Variants in FAM3A observed in about 807,000 individuals in gnomAD.
FAM3A encodes protein FAM3A.
Under a neutral mutation model 18.1 loss-of-function variants are expected in FAM3A, and 5 were observed. The ratio of observed to expected loss-of-function variants is 0.28; its 90% CI spans 0.14 to 0.58. The LOEUF is 0.58. Ranked by LOEUF, FAM3A falls within the 20% of genes least tolerant of loss-of-function variation. FAM3A has a pLI of 0.91. For synonymous variants in FAM3A, 108 were observed against 90.2 expected, an observed-to-expected ratio of 1.20 and a Z score of -1.12; for missense variants, 154 against 216.6, an observed-to-expected ratio of 0.71 and a Z score of 1.81.
chrX:154,512,746 C>A, intron 2 of FAM3A, 77 bp downstream of exon 2: 1 of 727,214 alleles, frequency 1.4e-6, no homozygotes, highest in Non-Finnish European at 2.1e-6. Context: ...CAACTCCCAA[C>A]CCAGAGCCTC....
intron 5 of FAM3A, 76 bp from the exon 6 acceptor site, chrX:154,507,937 T>TG: frequency 1.1e-6 from 1 of 900,680 alleles, no homozygotes; most frequent in Non-Finnish European, 1.5e-6. Context: ...GCACCGGGGG[T>TG]GGGGGGCAGC....
intron 4 of FAM3A, 50 bp downstream of exon 4, chrX:154,508,424 C>T (rs1193089092): frequency 8.4e-7 from 1 of 1,189,628 alleles, no homozygotes; most frequent in Non-Finnish European, 1.1e-6. Flanking sequence ...CAGACCCGGC[C>T]CTGGATCCCC....
At chrX:154,508,156 C>A (rs1446581006) in intron 5 of FAM3A, 133 bp downstream of exon 5, 2 of 502,013 alleles carry the variant, frequency 4.0e-6, no homozygotes, top group Non-Finnish European at 6.4e-6. Flanking sequence ...GAGCCTTGCG[C>A]TTGCACAGAC....
chrX:154,515,495 C>T (rs2070148660), intron 1 of FAM3A, among the ~76,000 whole-genome samples: 1 of 112,182 alleles, frequency 8.9e-6, no homozygotes, highest in Admixed American at 9.5e-5. Context: ...TCTCACCACT[C>T]ATTTTCCAAA....
intron 5 of FAM3A, 101 bp downstream of exon 5, chrX:154,508,188 A>C: frequency 1.6e-6 from 1 of 622,088 alleles, no homozygotes; most frequent in Non-Finnish European, 2.4e-6. Context: ...CCTCCCTGGG[A>C]GATCTTGAAT....
intron 5 of FAM3A, 75 bp downstream of exon 5, chrX:154,508,214 G>T: frequency 1.2e-6 from 1 of 811,117 alleles, no homozygotes; most frequent in Non-Finnish European, 1.7e-6. Flanking sequence ...GGGAAGGGAG[G>T]GCAAACACCC....
At position 154,508,277 on chromosome X, in the gene FAM3A, C is replaced by T; in HGVS notation, c.334+12G>A. ...AGGAGGGCGGCAGGCCACGCTCAGC[C>T]AGGGGCCTCACCGTTCACCAGGGCG... On this transcript the variant is annotated intron_variant, in intron 5 of 8. Coordinates refer to ENST00000447601, the MANE Select transcript of FAM3A (RefSeq NM_021806.4). 4 of 1,084,202 alleles carry T rather than the reference C, an allele frequency of 3.7e-6. No homozygotes were observed. Among genetic ancestry groups the T allele is most frequent in the Non-Finnish European group, 4.8e-6 (4 of 835,033 alleles). 89.4% of individuals were successfully genotyped at this position (1,084,202 alleles called of 1,213,427 possible). A position where few individuals can be genotyped will look rare whatever the true frequency, so the allele number is the denominator to read the frequency against.
At chrX:154,512,254 T>TAAG (rs1419940906) in intron 2 of FAM3A, 297 of 140,658 alleles carry the variant, frequency 2.1e-3, no homozygotes, top group Non-Finnish European at 2.7e-3. Flanking sequence ...ATAATAATAA[T>TAAG]AATAATAATA....
intron 1 of FAM3A, among the ~76,000 whole-genome samples, chrX:154,514,324 A>C (rs1159278055): frequency 9.1e-6 from 1 of 109,680 alleles, no homozygotes; most frequent in Admixed American, 9.7e-5. Flanking sequence ...GCTCACTGCA[A>C]CCTCCGCCTC....
At chrX:154,507,938 G>C (rs1263673088) in intron 5 of FAM3A, 77 bp from the exon 6 acceptor site, 4 of 891,055 alleles carry the variant, frequency 4.5e-6, no homozygotes, top group Non-Finnish European at 6.3e-6. Context: ...CACCGGGGGT[G>C]GGGGGCAGCC....
At chrX:154,513,357 C>T (rs782298696) in intron 1 of FAM3A, among the ~76,000 whole-genome samples, 4 of 111,878 alleles carry the variant, frequency 3.6e-5, no homozygotes, top group Non-Finnish European at 5.6e-5. Context: ...CCCGGCCGGG[C>T]GCAGTGGCTC....
chrX:154,507,725 T>C, intron 6 of FAM3A, 86 bp downstream of exon 6: 1 of 975,997 alleles, frequency 1.0e-6, no homozygotes, highest in East Asian at 3.3e-5. Context: ...AAGCTCCAAG[T>C]ACAGACAGAG....
At chrX:154,512,981 C>T (rs376012862) in intron 1 of FAM3A, 45 bp from the exon 2 acceptor site, 139 of 908,384 alleles carry the variant, frequency 1.5e-4, no homozygotes, top group African/African-American at 5.8e-5. Flanking sequence ...CAGATACCAG[C>T]GAACCCCAGA....
chrX:154,515,208 G>A (rs782105998), intron 1 of FAM3A, among the ~76,000 whole-genome samples: 2 of 111,943 alleles, frequency 1.8e-5, no homozygotes, highest in African/African-American at 6.5e-5. Context: ...AGTTCCAGCC[G>A]TGGCCTCTCT....
intron 1 of FAM3A, among the ~76,000 whole-genome samples, chrX:154,514,802 GC>G (rs1319653469): frequency 1.8e-5 from 2 of 112,141 alleles, no homozygotes; most frequent in Non-Finnish European, 3.8e-5. Flanking sequence ...ACCCGCCTTG[GC>G]CTCCCAAAGT....
chrX:154,515,189 C>T (rs1020459758), intron 1 of FAM3A, among the ~76,000 whole-genome samples: 1 of 112,200 alleles, frequency 8.9e-6, no homozygotes, highest in African/African-American at 3.2e-5. Flanking sequence ...CAATGACTTT[C>T]TATTTTCTAG....
At position 154,516,139 on chromosome X, in the gene FAM3A, G is replaced by C. The variant is rs904528687; in HGVS notation, c.-367C>G. ...TCTGGCCGTGGGGAGACGTGGGCTC[G>C]GTCAGGGAGGTTCCCTGTCAGGCCC... is the stretch of plus-strand genomic sequence containing the variant. On this transcript the variant is annotated 5_prime_UTR_variant, in exon 1 of 9. Transcript: ENST00000447601. 128 of 160,131 alleles carry C rather than the reference G, an allele frequency of 8.0e-4. 1 individual carries two copies. Among genetic ancestry groups the C allele is most frequent in the South Asian group, 1.6e-3 (5 of 3,151 alleles). 13.2% of individuals were successfully genotyped at this position (160,131 alleles called of 1,213,427 possible). A position where few individuals can be genotyped will look rare whatever the true frequency, so the allele number is the denominator to read the frequency against.
At chrX:154,512,964 G>A (rs1557223776) in intron 1 of FAM3A, 28 bp from the exon 2 acceptor site, 3 of 1,056,154 alleles carry the variant, frequency 2.8e-6, no homozygotes, top group South Asian at 3.8e-5. Context: ...ACAGGGTGGG[G>A]TCACCTCAGA....
At position 154,506,762 on chromosome X, in the gene FAM3A, T is replaced by TGCCTCCCTTGGTCTG. The variant is rs1557218411; in HGVS notation, c.*34_*48dup. On this transcript the variant is annotated 3_prime_UTR_variant, in exon 9 of 9. Coordinates refer to ENST00000447601, the MANE Select transcript of FAM3A (RefSeq NM_021806.4). ...GCCTCTGTCCGCCCGGCAGCGCGCG[T>TGCCTCCCTTGGTCTG]GCCTCCCTTGGTCTGGCCTCCCTCG... The TGCCTCCCTTGGTCTG allele has an allele frequency of 9.3e-7, 1 of 1,074,123 alleles. No individual in the cohort carries two copies. 88.5% of individuals were successfully genotyped at this position (1,074,123 alleles called of 1,213,427 possible).
Sources: allele counts gnomAD v4.1 joint callset (sites outside exome capture counted in the v4.1 genomes callset), GRCh38; gene constraint gnomAD v4.1.1; transcripts MANE v1.5; gene names NCBI Gene and HGNC (gene_info 2026-07-23, HGNC 2026-07-21).